Variants in CBL observed in about 807,000 individuals in gnomAD.
CBL encodes E3 ubiquitin-protein ligase CBL.
CBL carries 45 observed loss-of-function variants against 96.9 expected under a neutral mutation model. The observed-to-expected ratio is 0.46, with a 90% confidence interval of 0.37 to 0.60. CBL has a LOEUF of 0.60. CBL is among the 20% of genes least tolerant of loss of function. The probability of loss-of-function intolerance (pLI) is 0.00; values close to 1 mark genes in which losing one functional copy is unlikely to be tolerated. For missense variants in CBL, 1,024 were observed against 1,143.5 expected, an observed-to-expected ratio of 0.90 and a Z score of 1.51; for synonymous variants, 420 against 426.8, an observed-to-expected ratio of 0.98 and a Z score of 0.20.
rs776364583 is a variant in CBL at position 119,278,260 on chromosome 11, G to A, written c.1190G>A (p.Gly397Glu). 1 of 1,613,614 alleles carries A rather than the reference G, an allele frequency of 6.2e-7. No individual in the cohort carries two copies. The highest frequency in any genetic ancestry group is 8.5e-7 in the Non-Finnish European group (1 of 1,179,604). The change falls in exon 8 of 16, where the codon GGA becomes GAA. Residue 397 changes from glycine to glutamate, a missense_variant. This residue lies in a region of CBL where 695 missense variants were observed against 661.6 expected (regional missense o/e 1.05). Transcript: ENST00000264033. ...NDKDVKIEPC[G>E]HLMCTSCLTS... ...AAGGATGTAAAGATTGAGCCCTGTG[G>A]ACACCTCATGTGCACATCCTGTCTT...
In CBL at chr11:119,305,318, T is replaced by G. The variant is rs1950127153; in HGVS notation, c.*5537T>G. ...TCCTGTTCCAGAGCTAGCCTGTTCC[T>G]GGGTAGCCTTCCTTAGCCTCCATTC... is the stretch of plus-strand genomic sequence containing the variant. On this transcript the variant is annotated 3_prime_UTR_variant, in exon 16 of 16. Coordinates refer to ENST00000264033, the MANE Select transcript of CBL (RefSeq NM_005188.4). 1 of 232,214 alleles carries G rather than the reference T, an allele frequency of 4.3e-6. No homozygotes were observed. The highest frequency in any genetic ancestry group is 8.5e-6 in the Non-Finnish European group (1 of 117,432). The allele number at this position is 232,214 out of a possible 1,614,324, so 14.4% of individuals were successfully genotyped here.
At position 119,278,708 on chromosome 11, in the gene CBL, G is replaced by A; in HGVS notation, c.1426G>A (p.Ala476Thr). The A allele has an allele frequency of 6.2e-7, 1 of 1,613,948 alleles. No homozygotes were observed. The highest frequency in any genetic ancestry group is 8.5e-7 in the Non-Finnish European group (1 of 1,179,910). ...CTTCATGATGAAGGAATTGGCTGGTGCCAAGGTAAGATGGCAGTTTAGGAG... is the reference window on the plus strand; with the variant it reads ...CTTCATGATGAAGGAATTGGCTGGTACCAAGGTAAGATGGCAGTTTAGGAG... The part of the protein sequence containing the change: ...TLFMMKELAG[A>T]KVERPPSPFS... Residue 476 changes from alanine to threonine, a missense_variant, in exon 9 of 16, where the codon GCC becomes ACC. Transcript: ENST00000264033.
chr11:119,221,510 A>G (rs1259814754), intron 1 of CBL, among the ~76,000 whole-genome samples: 2 of 151,454 alleles, frequency 1.3e-5, no homozygotes, highest in Admixed American at 1.3e-4. Flanking sequence ...GCTCACGTCT[A>G]TAATCCCAGC....
chr11:119,266,337 A>T (rs1394632872), intron 2 of CBL, among the ~76,000 whole-genome samples: 1 of 152,180 alleles, frequency 6.6e-6, no homozygotes, highest in African/African-American at 2.4e-5. Flanking sequence ...TGTTTACCTC[A>T]TCATTCATAT....
chr11:119,278,105 TAACA>T, intron 7 of CBL, 57 bp from the exon 8 acceptor site: 1 of 1,356,240 alleles, frequency 7.4e-7, no homozygotes, highest in Admixed American at 1.9e-5. Flanking sequence ...CTTTTTCTGT[TAACA>T]TTTATAATTG....
intron 1 of CBL, among the ~76,000 whole-genome samples, chr11:119,209,345 C>G (rs1473732692): frequency 6.6e-6 from 1 of 152,208 alleles, no homozygotes; most frequent in African/African-American, 2.4e-5. Flanking sequence ...GGGCCGGGCC[C>G]CGTGGCTCAC....
At position 119,271,900 on chromosome 11, in the gene CBL, A is replaced by G. The variant is rs1949852134; in HGVS notation, c.590+19A>G. The G allele has an allele frequency of 1.2e-6, 2 of 1,611,926 alleles. No homozygotes were observed. Among genetic ancestry groups the G allele is most frequent in the Non-Finnish European group, 1.7e-6 (2 of 1,178,530 alleles). ...GGGAAAAGTAAGTCTCAGAATAATG[A>G]ATTTGAACTATGAAAAACTAAAGCT... On this transcript the variant is annotated intron_variant, in intron 3 of 15. Transcript: ENST00000264033.
chr11:119,282,912 C>T (rs796088555), intron 9 of CBL, among the ~76,000 whole-genome samples: 5 of 152,012 alleles, frequency 3.3e-5, no homozygotes, highest in East Asian at 1.9e-4. Context: ...GACAAGACCC[C>T]GTCTACCCGT....
At chr11:119,255,518 T>G (rs1949704885) in intron 2 of CBL, among the ~76,000 whole-genome samples, 1 of 152,156 alleles carries the variant, frequency 6.6e-6, no homozygotes, top group African/African-American at 2.4e-5. Context: ...AATTCTAGTC[T>G]GTAATTATAT....
chr11:119,237,558 T>A (rs539326462), intron 2 of CBL, among the ~76,000 whole-genome samples: 1 of 152,350 alleles, frequency 6.6e-6, no homozygotes, highest in South Asian at 2.1e-4. Context: ...AATTTTTGTA[T>A]ATGGTATGAG....
intron 12 of CBL, among the ~76,000 whole-genome samples, chr11:119,295,331 A>AG (rs1950056044): frequency 6.6e-6 from 1 of 152,220 alleles, no homozygotes. Flanking sequence ...ATTACACAAC[A>AG]GAAACGTATC....
At chr11:119,268,016 G>A (rs1395143134) in intron 2 of CBL, among the ~76,000 whole-genome samples, 2 of 152,198 alleles carry the variant, frequency 1.3e-5, no homozygotes, top group African/African-American at 4.8e-5. Flanking sequence ...AAGAAGAGAG[G>A]CAGGTGTAAG....
intron 1 of CBL, among the ~76,000 whole-genome samples, chr11:119,216,871 C>G (rs1949365771): frequency 6.6e-6 from 1 of 152,050 alleles, no homozygotes; most frequent in South Asian, 2.1e-4. Context: ...CTGTCTTATC[C>G]TCGGTTACTC....
Position 119,285,021 on chromosome 11 carries a change from C to A in CBL, c.1484C>A (p.Pro495Gln). Residue 495 changes from proline to glutamine, a missense_variant, in exon 10 of 16, where the codon CCG becomes CAG. By Grantham distance (76) the Pro-to-Gln change is moderately conservative (BLOSUM62 -1). Coordinates refer to ENST00000264033, the MANE Select transcript of CBL (RefSeq NM_005188.4). ...FSMAPQASLP[P>Q]VPPRLDLLPQ... ...ATGGCCCCACAAGCTTCCCTTCCCC[C>A]GGTGCCACCACGACTTGACCTTCTG... 1.2e-6 allele frequency: 2 copies of A among 1,614,184 alleles called. No homozygotes were observed. The highest frequency in any genetic ancestry group is 1.7e-6 in the Non-Finnish European group (2 of 1,180,028).
chr11:119,298,563 G>A (rs767095831), intron 15 of CBL, 23 bp downstream of exon 15: 1 of 1,611,206 alleles, frequency 6.2e-7, no homozygotes, highest in Non-Finnish European at 8.5e-7. Context: ...ACTACTTTGG[G>A]TTTGTCCTGA....
At chr11:119,222,451 T>C (rs1399964224) in intron 1 of CBL, among the ~76,000 whole-genome samples, 1 of 152,170 alleles carries the variant, frequency 6.6e-6, no homozygotes. Context: ...ATGAATGGAG[T>C]GCATGGCAGC....
In CBL at chr11:119,278,581, G is replaced by A. The variant is rs199633558; in HGVS notation, c.1299G>A (p.Pro433=). 502 of 1,614,136 alleles carry A rather than the reference G, an allele frequency of 3.1e-4. 9 individuals carry two copies. In the South Asian group the frequency reaches 5.1e-3, roughly 16 times the overall value. The change falls in exon 9 of 16, where the codon CCG becomes CCA. Residue 433 remains proline (P), a synonymous_variant. Coordinates refer to ENST00000264033, the MANE Select transcript of CBL (RefSeq NM_005188.4). ...IKGTEPIVVD[P]FDPRGSGSLL... ...GTACTGAACCCATCGTGGTAGATCC[G>A]TTTGATCCTAGAGGGAGTGGCAGCC...
At chr11:119,253,980 C>A in intron 2 of CBL, among the ~76,000 whole-genome samples, 1 of 117,138 alleles carries the variant, frequency 8.5e-6, no homozygotes, top group Non-Finnish European at 1.7e-5. Flanking sequence ...CAGAGTGAGA[C>A]CTTGACTCAA....
chr11:119,298,984 T>C (rs976251699), intron 15 of CBL, among the ~76,000 whole-genome samples: 4 of 152,224 alleles, frequency 2.6e-5, no homozygotes, highest in Admixed American at 1.3e-4. Context: ...GGCTGCCTGG[T>C]AGGGCAGCAG....
Sources: allele counts gnomAD v4.1 joint callset (sites outside exome capture counted in the v4.1 genomes callset), GRCh38; gene constraint gnomAD v4.1.1; regional missense constraint gnomAD v4.1.1; transcripts MANE v1.5; gene names NCBI Gene and HGNC (gene_info 2026-07-23, HGNC 2026-07-21).